KCNJ15: variants seen among roughly 807,000 people sequenced by gnomAD.
KCNJ15 encodes the protein ATP-sensitive inward rectifier potassium channel 15.
In KCNJ15, 14 loss-of-function variants were observed where a neutral mutation model predicts 23.0. The ratio of observed to expected loss-of-function variants is 0.61; its 90% CI spans 0.40 to 0.95. KCNJ15 has a LOEUF of 0.95. Ranked by LOEUF, KCNJ15 falls within the 40% of genes least tolerant of loss-of-function variation. The probability of loss-of-function intolerance (pLI) is 0.00; values close to 1 mark genes in which losing one functional copy is unlikely to be tolerated. For synonymous variants in KCNJ15, 185 were observed against 183.2 expected, an observed-to-expected ratio of 1.01 and a Z score of -0.08; for missense variants, 388 against 461.8, an observed-to-expected ratio of 0.84 and a Z score of 1.46.
chr21:38,273,428 T>C (rs1982312537), intron 1 of KCNJ15, among the ~76,000 whole-genome samples: 1 of 152,250 alleles, frequency 6.6e-6, no homozygotes, highest in Non-Finnish European at 1.5e-5. Flanking sequence ...ACTGTCATCC[T>C]AGTATTTGAA....
chr21:38,246,697 T>C (rs1979391564), intron 1 of KCNJ15, among the ~76,000 whole-genome samples: 2 of 152,224 alleles, frequency 1.3e-5, no homozygotes, highest in Non-Finnish European at 2.9e-5. Context: ...TGGTAAATTA[T>C]GTTTTACATT....
rs1459964081 is a variant in KCNJ15 at position 38,303,468 on chromosome 21, G to A, written c.*3079G>A. 1 of 151,944 alleles carries A rather than the reference G, an allele frequency of 6.6e-6. No individual in the cohort carries two copies. The highest frequency in any genetic ancestry group is 1.5e-5 in the Non-Finnish European group (1 of 67,988). 9.4% of individuals were successfully genotyped at this position (151,944 alleles called of 1,614,324 possible). A position where few individuals can be genotyped will look rare whatever the true frequency, so the allele number is the denominator to read the frequency against. ...ACGTCTTATTCAGCAATAAAATAGTGCTCACATGGTGCCTGGCAGACAGTG... is the reference window on the plus strand; with the variant it reads ...ACGTCTTATTCAGCAATAAAATAGTACTCACATGGTGCCTGGCAGACAGTG... On this transcript the variant is annotated 3_prime_UTR_variant, in exon 3 of 3. Transcript: ENST00000398938.
intron 1 of KCNJ15, chr21:38,267,491 C>T (rs977694900): frequency 6.6e-6 from 1 of 152,234 alleles, no homozygotes; most frequent in Non-Finnish European, 1.5e-5. Flanking sequence ...GAAAAACCCA[C>T]CACGCTGCAG....
chr21:38,296,870 T>TTACTGGGGTG (rs1206051370), intron 1 of KCNJ15, 56 bp from the exon 2 acceptor site: 1 of 152,710 alleles, frequency 6.5e-6, no homozygotes, highest in East Asian at 1.9e-4. Context: ...GGGGTCAGTT[T>TTACTGGGGTG]TACTGGGGTG....
intron 1 of KCNJ15, among the ~76,000 whole-genome samples, chr21:38,264,859 A>G (rs1981298491): frequency 6.6e-6 from 1 of 152,256 alleles, no homozygotes; most frequent in African/African-American, 2.4e-5. Flanking sequence ...AACCCAACAG[A>G]GGAGAAATAG....
chr21:38,235,956 A>AT (rs1408577921), intron 1 of KCNJ15, among the ~76,000 whole-genome samples: 3 of 152,204 alleles, frequency 2.0e-5, no homozygotes, highest in African/African-American at 7.2e-5. Flanking sequence ...TTTTTCCAGA[A>AT]TATATCATTT....
chr21:38,272,814 A>G (rs150094872), intron 1 of KCNJ15, among the ~76,000 whole-genome samples: 1 of 152,204 alleles, frequency 6.6e-6, no homozygotes, highest in African/African-American at 2.4e-5. Flanking sequence ...GAGATTGCAA[A>G]TAAAAATATA....
intron 1 of KCNJ15, among the ~76,000 whole-genome samples, chr21:38,271,126 A>G (rs948846670): frequency 3.3e-5 from 5 of 152,258 alleles, no homozygotes; most frequent in African/African-American, 1.2e-4. Flanking sequence ...TCAAGAAAAG[A>G]TGCTCTTGTA....
rs1422232979 is a variant in KCNJ15, at chr21:38,299,422, T to G, written c.161T>G (p.Leu54Arg). Residue 54 changes from leucine (L) to arginine (R), a missense_variant, in exon 3 of 3, where the codon CTG becomes CGG. Coordinates refer to ENST00000398938, the MANE Select transcript of KCNJ15 (RefSeq NM_170736.3). The surrounding 1 kb of genome is among the most constrained non-coding windows in gnomAD (Gnocchi z 4.5). ...DGIYLLYLQD[L>R]WTTVIDMKWR... ...ATATACCTACTCTACCTGCAAGACC[T>G]GTGGACCACAGTTATCGACATGAAG... The G allele has an allele frequency of 6.2e-7, 1 of 1,614,112 alleles. No homozygotes were observed. The highest frequency in any genetic ancestry group is 1.7e-5 in the Admixed American group (1 of 60,006).
intron 1 of KCNJ15, among the ~76,000 whole-genome samples, chr21:38,235,977 A>G (rs147164195): frequency 4.6e-5 from 7 of 152,380 alleles, no homozygotes; most frequent in Middle Eastern, 3.4e-3. Context: ...TTCTAATGAT[A>G]AATGGTTTAG....
intron 1 of KCNJ15, among the ~76,000 whole-genome samples, chr21:38,276,577 G>T (rs993642469): frequency 6.6e-6 from 1 of 152,128 alleles, no homozygotes; most frequent in East Asian, 1.9e-4. Flanking sequence ...TGAGAGGAAG[G>T]AGAAGCAGAA....
intron 1 of KCNJ15, among the ~76,000 whole-genome samples, chr21:38,282,962 A>G (rs1050778908): frequency 2.0e-5 from 3 of 152,184 alleles, no homozygotes; most frequent in African/African-American, 7.2e-5. Context: ...TTTACCAGGC[A>G]TAGAGCAAAG....
At chr21:38,243,642 G>T (rs577592205) in intron 1 of KCNJ15, among the ~76,000 whole-genome samples, 1 of 152,070 alleles carries the variant, frequency 6.6e-6, no homozygotes, top group Non-Finnish European at 1.5e-5. Context: ...GGCTGGTCTC[G>T]AGCTCCTGAC....
intron 1 of KCNJ15, among the ~76,000 whole-genome samples, chr21:38,250,884 T>G (rs1979777812): frequency 6.6e-6 from 1 of 152,236 alleles, no homozygotes; most frequent in Non-Finnish European, 1.5e-5. Context: ...TATTGTAAAG[T>G]GGGTCTTGGA....
chr21:38,255,564 A>G (rs1980147855), upstream of KCNJ15, among the ~76,000 whole-genome samples: 1 of 152,134 alleles, frequency 6.6e-6, no homozygotes, highest in African/African-American at 2.4e-5. Context: ...CCTTGCTTCC[A>G]GGGAAAGAAA....
chr21:38,262,093 C>T (rs1432249447), intron 1 of KCNJ15, among the ~76,000 whole-genome samples: 1 of 152,212 alleles, frequency 6.6e-6, no homozygotes, highest in Admixed American at 6.5e-5. Flanking sequence ...CCAAAAAATA[C>T]AAGGTCAGCT....
At chr21:38,237,384 G>A (rs1047944346) in intron 1 of KCNJ15, 21 of 152,252 alleles carry the variant, frequency 1.4e-4, no homozygotes, top group African/African-American at 4.8e-4. Flanking sequence ...AATTCCAAAG[G>A]AGGGAGCACC....
intron 1 of KCNJ15, among the ~76,000 whole-genome samples, chr21:38,244,327 G>A (rs1245431923): frequency 2.0e-5 from 3 of 152,138 alleles, no homozygotes; most frequent in Non-Finnish European, 4.4e-5. Flanking sequence ...ATACAACTTA[G>A]GACCAAGAGG....
At chr21:38,295,038 A>G (rs992640872) in intron 1 of KCNJ15, among the ~76,000 whole-genome samples, 1 of 152,246 alleles carries the variant, frequency 6.6e-6, no homozygotes, top group Non-Finnish European at 1.5e-5. Flanking sequence ...TATATGAAAT[A>G]TTGCTTAGCT....
Sources: gnomAD v4.1 joint callset for allele counts (sites outside exome capture counted in the v4.1 genomes callset) on GRCh38, gnomAD v4.1.1 for gene constraint, Gnocchi (gnomAD v3.1) non-coding constraint, MANE v1.5 for transcripts, NCBI Gene and HGNC (gene_info 2026-07-23, HGNC 2026-07-21) for gene names.